KIAA1217: variants seen among roughly 807,000 people sequenced by gnomAD.
KIAA1217 encodes KIAA1217.
Under a neutral mutation model 163.9 loss-of-function variants are expected in KIAA1217, and 88 were observed. The ratio of observed to expected loss-of-function variants is 0.54; its 90% CI spans 0.45 to 0.64. The LOEUF is 0.64. KIAA1217 is among the 30% of genes least tolerant of loss of function. The pLI is 0.00. For missense variants in KIAA1217, 2,372 were observed against 2,475.0 expected (o/e 0.96, Z 0.88); for synonymous variants, 903 against 923.1 (o/e 0.98, Z 0.39).
At chr10:24,326,712 G>A (rs1564476788) in intron 2 of KIAA1217, among the ~76,000 whole-genome samples, 1 of 151,956 alleles carries the variant, frequency 6.6e-6, no homozygotes, top group African/African-American at 2.4e-5. Context: ...TCCACAAAAG[G>A]TTTGTGGCAT....
chr10:24,146,539 A>T (rs966423696), intron 2 of KIAA1217, among the ~76,000 whole-genome samples: 4 of 152,154 alleles, frequency 2.6e-5, no homozygotes, highest in African/African-American at 7.2e-5. Flanking sequence ...TACAAAAGTT[A>T]GCCAGGTATG....
chr10:23,912,782 A>G (rs1456282203), intron 1 of KIAA1217, among the ~76,000 whole-genome samples: 1 of 152,228 alleles, frequency 6.6e-6, no homozygotes, highest in African/African-American at 2.4e-5. Context: ...TGAGATTGAA[A>G]GAATGAAACA....
chr10:24,438,305 TG>T (rs1480102962), intron 4 of KIAA1217, 80 bp from the exon 5 acceptor site: 9 of 921,910 alleles, frequency 9.8e-6, no homozygotes, highest in Non-Finnish European at 1.6e-5. Context: ...GTTTTTTACC[TG>T]ATCTTTAAGG....
At chr10:24,193,505 G>A (rs369345292) in intron 2 of KIAA1217, among the ~76,000 whole-genome samples, 2 of 152,174 alleles carry the variant, frequency 1.3e-5, no homozygotes, top group African/African-American at 2.4e-5. Flanking sequence ...TAAACACAGC[G>A]TTAGATGTTT....
chr10:24,540,381 G>A (rs960671614), intron 17 of KIAA1217, among the ~76,000 whole-genome samples: 1 of 152,084 alleles, frequency 6.6e-6, no homozygotes, highest in African/African-American at 2.4e-5. Context: ...TTATAGGTGT[G>A]TGCCACCACG....
At chr10:24,244,634 C>T (rs1231515193) in intron 2 of KIAA1217, among the ~76,000 whole-genome samples, 3 of 149,078 alleles carry the variant, frequency 2.0e-5, no homozygotes, top group African/African-American at 5.0e-5. Context: ...GCGAGATGTC[C>T]GCTTATTGCA....
At chr10:24,392,317 C>T (rs2055094948) in intron 3 of KIAA1217, among the ~76,000 whole-genome samples, 2 of 152,080 alleles carry the variant, frequency 1.3e-5, no homozygotes, top group South Asian at 2.1e-4. Flanking sequence ...TGATTATCTA[C>T]TAAGCAGTTA....
At chr10:24,199,850 G>C (rs2067166639) in intron 2 of KIAA1217, among the ~76,000 whole-genome samples, 1 of 151,646 alleles carries the variant, frequency 6.6e-6, no homozygotes, top group Non-Finnish European at 1.5e-5. Flanking sequence ...AGAACCTTGG[G>C]TTATTATTTA....
chr10:24,300,613 G>C (rs2041201206), intron 2 of KIAA1217, among the ~76,000 whole-genome samples: 1 of 152,140 alleles, frequency 6.6e-6, no homozygotes, highest in Non-Finnish European at 1.5e-5. Flanking sequence ...TATCACCCAA[G>C]CTGGAGTGCA....
At chr10:24,388,643 T>A (rs1334434214) in intron 3 of KIAA1217, among the ~76,000 whole-genome samples, 1 of 151,686 alleles carries the variant, frequency 6.6e-6, no homozygotes, top group African/African-American at 2.4e-5. Flanking sequence ...TGGGAGAAAA[T>A]TTTTACAATC....
chr10:24,160,419 G>T (rs112020264), intron 2 of KIAA1217, among the ~76,000 whole-genome samples: 1,885 of 151,846 alleles, frequency 0.012, 37 homozygotes, highest in African/African-American at 0.044. Flanking sequence ...TATACTCTCG[G>T]TGTACATATA....
intron 1 of KIAA1217, among the ~76,000 whole-genome samples, chr10:23,975,908 G>T (rs1034013707): frequency 1.3e-5 from 2 of 152,016 alleles, no homozygotes; most frequent in Non-Finnish European, 2.9e-5. Flanking sequence ...TTGATCCATT[G>T]CACCCATTTT....
chr10:23,912,872 G>A (rs1397590805), intron 1 of KIAA1217, among the ~76,000 whole-genome samples: 1 of 152,190 alleles, frequency 6.6e-6, no homozygotes, highest in Non-Finnish European at 1.5e-5. Flanking sequence ...ACTGGCTGCA[G>A]GAGGGGACCA....
chr10:23,908,638 C>T (rs1371833851), intron 1 of KIAA1217, among the ~76,000 whole-genome samples: 1 of 152,118 alleles, frequency 6.6e-6, no homozygotes, highest in African/African-American at 2.4e-5. Flanking sequence ...GGACATCTCC[C>T]CTGAGTGATG....
In KIAA1217 at chr10:24,274,103, T is replaced by C. The variant is rs370210079; in HGVS notation, c.354+54194T>C. 3.7e-4 allele frequency among the ~76,000 whole-genome samples: 57 copies of C among 152,332 alleles called. 1 individual carries two copies. Among genetic ancestry groups the C allele is most frequent in the Admixed American group, 1.2e-3 (19 of 15,296 alleles). ...ATTACCAGAGTAATGACTAATAGCA[T>C]ACATGTATAAACTGAAAAGTGACTG... On this transcript the variant is annotated intron_variant, in intron 2 of 20. Coordinates refer to ENST00000376454, the MANE Select transcript of KIAA1217 (RefSeq NM_019590.5).
At chr10:23,890,793 A>G (rs1308236064) in intron 1 of KIAA1217, among the ~76,000 whole-genome samples, 1 of 152,004 alleles carries the variant, frequency 6.6e-6, no homozygotes, top group African/African-American at 2.4e-5. Flanking sequence ...GATCTTCTGT[A>G]TCCTTACTGA....
chr10:23,892,851 C>T (rs142484249), intron 1 of KIAA1217, among the ~76,000 whole-genome samples: 3 of 151,978 alleles, frequency 2.0e-5, no homozygotes, highest in East Asian at 2.0e-4. Flanking sequence ...CAACAAACCA[C>T]GACCTGGTTG....
rs139634571 is a variant in KIAA1217 at position 24,000,481 on chromosome 10, G to A, written c.-320-6744G>A. 7.0e-3 allele frequency among the ~76,000 whole-genome samples: 1,072 copies of A among 152,284 alleles called. 20 individuals are homozygous for A. The highest frequency in any genetic ancestry group is 0.024 in the African/African-American group (1,016 of 41,568). On this transcript the variant is annotated intron_variant, in intron 1 of 18. Transcript: ENST00000376462. Reference sequence around the variant, plus strand: ...TTTCCTGAGGCTTCTCCAGCCCTGCGGAAACGTGAGTCAATTAAACCTCTT... The same window carrying A: ...TTTCCTGAGGCTTCTCCAGCCCTGCAGAAACGTGAGTCAATTAAACCTCTT...
intron 2 of KIAA1217, among the ~76,000 whole-genome samples, chr10:24,374,538 T>C (rs2134603491): frequency 6.6e-6 from 1 of 152,308 alleles, no homozygotes; most frequent in Admixed American, 6.5e-5. Context: ...CACCCCAAAA[T>C]TGCAAGATCA....
Sources: gnomAD v4.1 joint callset for allele counts (sites outside exome capture counted in the v4.1 genomes callset) on GRCh38, gnomAD v4.1.1 for gene constraint, MANE v1.5 for transcripts, NCBI Gene and HGNC (gene_info 2026-07-23, HGNC 2026-07-21) for gene names.